PTK2: variants seen among roughly 807,000 people sequenced by gnomAD.
PTK2 encodes the protein focal adhesion kinase 1.
A neutral mutation model predicts 150.1 loss-of-function variants in PTK2; 45 were observed. The ratio of observed to expected loss-of-function variants is 0.30; its 90% confidence interval spans 0.24 to 0.38. The LOEUF is 0.38. Ranked by LOEUF, PTK2 falls within the 10% of genes least tolerant of loss-of-function variation. The pLI is 1.00. For synonymous variants in PTK2, 432 were observed against 449.2 expected (o/e 0.96, Z 0.48); for missense variants, 919 against 1,307.3 (o/e 0.70, Z 4.58).
chr8:140,685,853 G>A (rs1362253213), intron 27 of PTK2, among the ~76,000 whole-genome samples: 1 of 152,164 alleles, frequency 6.6e-6, no homozygotes, highest in African/African-American at 2.4e-5. Flanking sequence ...TAAAACAGAA[G>A]TAGCATTTGA....
chr8:140,963,502 TAATTC>T (rs1444437597), intron 1 of PTK2, among the ~76,000 whole-genome samples: 1 of 152,200 alleles, frequency 6.6e-6, no homozygotes, highest in Non-Finnish European at 1.5e-5. Context: ...GCCATCCATT[TAATTC>T]AAGTTACAGT....
intron 14 of PTK2, 63 bp downstream of exon 16, chr8:140,769,512 C>G: frequency 8.8e-7 from 1 of 1,136,858 alleles, no homozygotes; most frequent in South Asian, 1.3e-5. Context: ...AAATACTAAA[C>G]TATATTTATT....
In PTK2 at chr8:140,759,847, C is replaced by CCACACA. The variant is rs113580900; in HGVS notation, c.1332+1312_1332+1317dup. Among the ~76,000 whole-genome samples, 51 of 144,766 alleles carry CCACACA rather than the reference C, an allele frequency of 3.5e-4. No homozygotes were observed. In the East Asian group the frequency reaches 8.2e-3, roughly 23 times the overall value. 95.0% of individuals were successfully genotyped at this position (144,766 alleles called of 152,430 possible). A position where few individuals can be genotyped will look rare whatever the true frequency, so the allele number is the denominator to read the frequency against. On this transcript the variant is annotated intron_variant, in intron 16 of 31. Transcript: ENST00000522684. ...GACAGAGCAAGACTCTCTCTCTCAC[C>CCACACA]CACACACACACACACACACAAACAA...
chr8:140,722,650 G>A (rs2100043611), intron 22 of PTK2, among the ~76,000 whole-genome samples: 8 of 152,150 alleles, frequency 5.3e-5, no homozygotes, highest in Admixed American at 5.2e-4. Flanking sequence ...CAGGAGCAAA[G>A]AAGGCCTAGC....
intron 5 of PTK2, among the ~76,000 whole-genome samples, chr8:140,860,948 G>A (rs1210147303): frequency 6.6e-6 from 1 of 152,192 alleles, no homozygotes; most frequent in African/African-American, 2.4e-5. Context: ...TAAAATGTAT[G>A]TACTTGATAA....
intron 3 of PTK2, among the ~76,000 whole-genome samples, chr8:140,887,696 T>TA (rs899611028): frequency 5.9e-5 from 9 of 152,218 alleles, no homozygotes; most frequent in Middle Eastern, 6.8e-3. Flanking sequence ...GTAGTCACAG[T>TA]AAAAAAATAA....
At chr8:140,675,988 C>T (rs1388203068) in intron 27 of PTK2, among the ~76,000 whole-genome samples, 1 of 152,136 alleles carries the variant, frequency 6.6e-6, no homozygotes, top group Non-Finnish European at 1.5e-5. Context: ...CTCCCAATAT[C>T]CAAGATACAG....
chr8:140,868,961 A>C (rs2100140968), intron 4 of PTK2, among the ~76,000 whole-genome samples: 1 of 152,156 alleles, frequency 6.6e-6, no homozygotes, highest in Non-Finnish European at 1.5e-5. Context: ...TTTACTAGCT[A>C]TATTATTTAA....
intron 4 of PTK2, among the ~76,000 whole-genome samples, chr8:140,870,413 T>C (rs561948577): frequency 1.1e-4 from 16 of 152,238 alleles, no homozygotes; most frequent in East Asian, 1.9e-4. Context: ...TAAACATGAA[T>C]GAATGAAAAC....
chr8:140,720,863 C>T (rs1297829813), intron 22 of PTK2, among the ~76,000 whole-genome samples: 4 of 152,188 alleles, frequency 2.6e-5, no homozygotes, highest in African/African-American at 9.7e-5. Flanking sequence ...AAGCGATTCT[C>T]CTGCCTCAGC....
intron 11 of PTK2, 150 bp downstream of exon 11, chr8:140,803,393 T>C (rs758578406): frequency 5.9e-6 from 4 of 677,576 alleles, no homozygotes; most frequent in African/African-American, 5.5e-5. Flanking sequence ...ATTTAATCAT[T>C]ATTGTTTCTA....
chr8:140,826,165 T>C (rs2100111654), intron 8 of PTK2, among the ~76,000 whole-genome samples: 1 of 152,206 alleles, frequency 6.6e-6, no homozygotes, highest in Non-Finnish European at 1.5e-5. Context: ...GAAAAGCCAA[T>C]GTTAACTGAC....
At chr8:140,905,899 T>C (rs1005585633) in intron 2 of PTK2, among the ~76,000 whole-genome samples, 1 of 151,946 alleles carries the variant, frequency 6.6e-6, no homozygotes, top group Non-Finnish European at 1.5e-5. Flanking sequence ...ACTGAACAAC[T>C]TGCTCCTCCT....
intron 20 of PTK2, among the ~76,000 whole-genome samples, chr8:140,741,282 C>T (rs2100055489): frequency 6.6e-6 from 1 of 151,580 alleles, no homozygotes; most frequent in African/African-American, 2.4e-5. Context: ...AGTGAAACTC[C>T]ATCTCTACTA....
chr8:140,794,773 C>A (rs1042015642), intron 12 of PTK2, among the ~76,000 whole-genome samples: 6 of 152,194 alleles, frequency 3.9e-5, no homozygotes, highest in African/African-American at 1.4e-4. Context: ...CTTAACCTCA[C>A]TTCCTTGGTA....
chr8:140,868,088 T>C (rs532434531), intron 4 of PTK2, among the ~76,000 whole-genome samples: 37 of 152,302 alleles, frequency 2.4e-4, no homozygotes, highest in Admixed American at 1.4e-3. Context: ...ATTCATGCCA[T>C]TGTCATCCAG....
intron 4 of PTK2, among the ~76,000 whole-genome samples, chr8:140,872,828 T>C (rs180900023): frequency 6.6e-6 from 1 of 152,364 alleles, no homozygotes; most frequent in Admixed American, 6.5e-5. Flanking sequence ...CTGTATGTCA[T>C]ATTCCAGGAC....
chr8:140,872,495 C>T (rs1249156314), intron 4 of PTK2, among the ~76,000 whole-genome samples: 2 of 152,234 alleles, frequency 1.3e-5, no homozygotes, highest in South Asian at 4.1e-4. Context: ...CTTAACTGGG[C>T]TCTCCCAGCA....
chr8:140,756,087 G>A (rs965884302), intron 16 of PTK2, among the ~76,000 whole-genome samples: 2 of 152,126 alleles, frequency 1.3e-5, no homozygotes, highest in South Asian at 2.1e-4. Context: ...CACACTGGGA[G>A]GCCGGGGCAG....
Sources: allele counts gnomAD v4.1 joint callset (sites outside exome capture counted in the v4.1 genomes callset), GRCh38; gene constraint gnomAD v4.1.1; transcripts MANE v1.5; gene names NCBI Gene and HGNC (gene_info 2026-07-23, HGNC 2026-07-21).